Variants in PACRG observed in about 807,000 individuals in gnomAD.
PACRG encodes parkin coregulated gene protein.
Under a neutral mutation model 29.7 loss-of-function variants are expected in PACRG, and 29 were observed. The ratio of observed to expected loss-of-function variants is 0.98; its 90% confidence interval spans 0.73 to 1.33. The LOEUF is 1.33. Among genes scored for constraint, PACRG ranks in the 40% most tolerant of loss-of-function variants. PACRG has a pLI of 0.00. For synonymous variants in PACRG, 116 were observed against 118.7 expected (o/e 0.98, Z 0.15); for missense variants, 279 against 316.2 (o/e 0.88, Z 0.89).
chr6:162,890,211 T>C (rs1240866659), intron 2 of PACRG, among the ~76,000 whole-genome samples: 1 of 152,236 alleles, frequency 6.6e-6, no homozygotes, highest in East Asian at 1.9e-4. Flanking sequence ...TCTACCTTTC[T>C]ACTGGTCCTC....
chr6:163,307,481 A>C lies in PACRG; in HGVS notation c.614-7346A>C, dbSNP rs141669865. Among the ~76,000 whole-genome samples the C allele has an allele frequency of 2.9e-3, 446 of 152,338 alleles. 2 individuals are homozygous for C. The highest frequency in any genetic ancestry group is 0.01 in the African/African-American group (433 of 41,576). On this transcript the variant is annotated intron_variant, in intron 4 of 4. Transcript: ENST00000366888. ...CTCTAGCGTGCCAGATGCCGTGGTT[A>C]TTGTAAGTTTTGGTTGAAAAACCAT...
intron 4 of PACRG, among the ~76,000 whole-genome samples, chr6:163,158,896 A>G (rs1450279442): frequency 6.6e-6 from 1 of 152,118 alleles, no homozygotes; most frequent in East Asian, 1.9e-4. Flanking sequence ...TTTGCAGTCC[A>G]GGTATTGATC....
intron 4 of PACRG, among the ~76,000 whole-genome samples, chr6:163,271,715 A>G (rs1783838267): frequency 1.3e-5 from 2 of 152,234 alleles, no homozygotes; most frequent in African/African-American, 2.4e-5. Flanking sequence ...CACTCCAAAC[A>G]TCGATTATTG....
At chr6:162,798,978 C>CA in intron 1 of PACRG, among the ~76,000 whole-genome samples, 1 of 152,096 alleles carries the variant, frequency 6.6e-6, no homozygotes, top group East Asian at 1.9e-4. Flanking sequence ...TAACGCTATG[C>CA]AAAAAAGAAT....
At chr6:162,817,108 G>C (rs945677928) in intron 2 of PACRG, among the ~76,000 whole-genome samples, 2 of 152,222 alleles carry the variant, frequency 1.3e-5, no homozygotes, top group African/African-American at 2.4e-5. Flanking sequence ...TCCAGAGCCT[G>C]TGGCTCCGAA....
chr6:163,257,389 C>T (rs549752761), intron 4 of PACRG, among the ~76,000 whole-genome samples: 17 of 152,136 alleles, frequency 1.1e-4, no homozygotes, highest in South Asian at 8.3e-4. Flanking sequence ...AGGTGAGAGG[C>T]GCAGTTGGTT....
intron 4 of PACRG, among the ~76,000 whole-genome samples, chr6:163,090,678 TG>T (rs1473470021): frequency 6.6e-6 from 1 of 152,234 alleles, no homozygotes; most frequent in Non-Finnish European, 1.5e-5. Context: ...CATGAAGTTA[TG>T]GGAGACTCCC....
chr6:162,859,005 G>A (rs1466033276), intron 2 of PACRG, among the ~76,000 whole-genome samples: 1 of 152,166 alleles, frequency 6.6e-6, no homozygotes, highest in Non-Finnish European at 1.5e-5. Flanking sequence ...GCTTAAAACA[G>A]TACACAAAGG....
intron 4 of PACRG, among the ~76,000 whole-genome samples, chr6:163,109,418 G>T (rs1177281927): frequency 6.6e-6 from 1 of 152,174 alleles, no homozygotes; most frequent in African/African-American, 2.4e-5. Context: ...TACATCTGTT[G>T]TCTCATCTCG....
At chr6:163,219,580 TA>T (rs1462051687) in intron 4 of PACRG, among the ~76,000 whole-genome samples, 4 of 152,112 alleles carry the variant, frequency 2.6e-5, no homozygotes, top group Admixed American at 2.0e-4. Flanking sequence ...GAGCTGAGAG[TA>T]AAATCCTCCT....
intron 4 of PACRG, among the ~76,000 whole-genome samples, chr6:163,199,819 T>C (rs1780626726): frequency 6.6e-6 from 1 of 152,218 alleles, no homozygotes; most frequent in South Asian, 2.1e-4. Flanking sequence ...TGTGTCTGTG[T>C]TTGTGTATGT....
intron 4 of PACRG, among the ~76,000 whole-genome samples, chr6:163,156,723 G>A (rs1276485950): frequency 6.6e-6 from 1 of 152,192 alleles, no homozygotes; most frequent in Non-Finnish European, 1.5e-5. Flanking sequence ...CTACAGAACC[G>A]TGTCCCCTCC....
rs555706927 is a variant in PACRG, at chr6:162,876,053, C to A, written c.291+61772C>A. Among the ~76,000 whole-genome samples, 4 of 152,306 alleles carry A rather than the reference C, an allele frequency of 2.6e-5. No homozygotes were observed. In the East Asian group the frequency reaches 7.7e-4, roughly 29 times the overall value. On this transcript the variant is annotated intron_variant, in intron 2 of 4. Transcript: ENST00000366888. Reference sequence around the variant, plus strand: ...CTCCCAGCTCTGTTCCTTCACCACCCCCTCCTCCATGCTAAAACCATGCAT... The same window carrying A: ...CTCCCAGCTCTGTTCCTTCACCACCACCTCCTCCATGCTAAAACCATGCAT...
At chr6:163,245,161 T>G (rs1449688542) in intron 4 of PACRG, 1 of 367,266 alleles carries the variant, frequency 2.7e-6, no homozygotes, top group Admixed American at 3.2e-5. Context: ...AAACAAGGAG[T>G]TGTGAAAGTT....
intron 4 of PACRG, among the ~76,000 whole-genome samples, chr6:163,203,460 G>A (rs1540921): frequency 0.023 from 3,536 of 152,200 alleles, 134 homozygotes; most frequent in African/African-American, 0.081. Flanking sequence ...GTAGAAGAAG[G>A]AAACACCCTC....
chr6:162,790,981 A>G (rs540950288), intron 1 of PACRG, among the ~76,000 whole-genome samples: 2 of 152,342 alleles, frequency 1.3e-5, no homozygotes, highest in African/African-American at 2.4e-5. Flanking sequence ...CTAAAGGAGA[A>G]ACATATGTAT....
chr6:163,058,866 CT>C (rs1432241667), intron 2 of PACRG, among the ~76,000 whole-genome samples: 8 of 152,136 alleles, frequency 5.3e-5, no homozygotes. Flanking sequence ...CACCACTGCA[CT>C]CCAGCCTGGG....
At position 162,818,697 on chromosome 6, in the gene PACRG, T is replaced by C. The variant is rs141410167; in HGVS notation, c.291+4416T>C. Reference sequence around the variant, plus strand: ...AAGGTGTCTCTAAAATCTTTCACTTTCTAGGCATTTTGATGTAGTAGATAT... The same window carrying C: ...AAGGTGTCTCTAAAATCTTTCACTTCCTAGGCATTTTGATGTAGTAGATAT... On this transcript the variant is annotated intron_variant, in intron 2 of 4. Coordinates refer to ENST00000366888, the MANE Select transcript of PACRG (RefSeq NM_001080379.2). Among the ~76,000 whole-genome samples, 288 of 152,294 alleles carry C rather than the reference T, an allele frequency of 1.9e-3. 1 individual carries two copies. The highest frequency in any genetic ancestry group is 6.6e-3 in the African/African-American group (273 of 41,544).
In PACRG at chr6:162,881,629, C is replaced by T. The variant is rs1265522932; in HGVS notation, c.291+67348C>T. Among the ~76,000 whole-genome samples, 8 of 151,398 alleles carry T rather than the reference C, an allele frequency of 5.3e-5. No homozygotes were observed. In the East Asian group the frequency reaches 1.6e-3, roughly 30 times the overall value. ...ACCAGAGACCCAGGGGTGCTCTCCACCAAGACCAGAGACCTGGGGGAATTC... is the reference window on the plus strand; with the variant it reads ...ACCAGAGACCCAGGGGTGCTCTCCATCAAGACCAGAGACCTGGGGGAATTC... On this transcript the variant is annotated intron_variant, in intron 2 of 4. Transcript: ENST00000366888.
Sources: gnomAD v4.1 joint callset for allele counts (sites outside exome capture counted in the v4.1 genomes callset) on GRCh38, gnomAD v4.1.1 for gene constraint, MANE v1.5 for transcripts, NCBI Gene and HGNC (gene_info 2026-07-23, HGNC 2026-07-21) for gene names.